The following ABI1 variants were observed in gnomAD, a reference collection of about 807,000 sequenced individuals.
The protein encoded by ABI1 is Abelson interactor 1.
Under a neutral mutation model 54.6 loss-of-function variants are expected in ABI1, and 14 were observed. That is an observed-to-expected ratio of 0.26 (90% confidence interval 0.17 to 0.40). ABI1 has a LOEUF of 0.40. Ranked by LOEUF, ABI1 falls within the 10% of genes least tolerant of loss-of-function variation. The probability of loss-of-function intolerance (pLI) is 1.00; values close to 1 mark genes in which losing one functional copy is unlikely to be tolerated. For missense variants in ABI1, 443 were observed against 598.3 expected, an observed-to-expected ratio of 0.74 and a Z score of 2.71; for synonymous variants, 194 against 209.3, an observed-to-expected ratio of 0.93 and a Z score of 0.63.
chr10:26,747,414 CCTT>C lies in ABI1; in HGVS notation c.*1153_*1155del, dbSNP rs1256397837. 4.5e-6 allele frequency: 1 copy of C among 221,520 alleles called. No individual in the cohort carries two copies. The highest frequency in any genetic ancestry group is 9.0e-6 in the Non-Finnish European group (1 of 110,674). 13.7% of individuals were successfully genotyped at this position (221,520 alleles called of 1,614,324 possible). A position where few individuals can be genotyped will look rare whatever the true frequency, so the allele number is the denominator to read the frequency against. On this transcript the variant is annotated 3_prime_UTR_variant, in exon 11 of 11. Coordinates refer to ENST00000376140, the MANE Select transcript of ABI1 (RefSeq NM_001012750.3). ...TGTTCACTGATTAATACATGACCCA[CCTT>C]CTTTCCCAATTATTTTATTTTAAAA... is the stretch of plus-strand genomic sequence containing the variant.
chr10:26,804,948 T>C (rs2133431968), intron 2 of ABI1, among the ~76,000 whole-genome samples: 1 of 152,234 alleles, frequency 6.6e-6, no homozygotes, highest in South Asian at 2.1e-4. Context: ...AAAATCAATG[T>C]AAAAGAAGGA....
intron 2 of ABI1, among the ~76,000 whole-genome samples, chr10:26,785,824 T>G (rs1188009433): frequency 6.6e-6 from 1 of 152,018 alleles, no homozygotes; most frequent in Non-Finnish European, 1.5e-5. Flanking sequence ...AAACTGGTGG[T>G]CCCTCTCCTG....
At chr10:26,857,860 AAAAAAG>A (rs2050961513) in intron 1 of ABI1, among the ~76,000 whole-genome samples, 2 of 151,280 alleles carry the variant, frequency 1.3e-5, no homozygotes, top group Admixed American at 6.6e-5. Flanking sequence ...AAAAAAAAAA[AAAAAAG>A]AAAGAAAAAA....
chr10:26,804,244 G>A (rs141358721), intron 2 of ABI1, among the ~76,000 whole-genome samples: 5 of 152,120 alleles, frequency 3.3e-5, no homozygotes, highest in East Asian at 1.9e-4. Flanking sequence ...TTAGCCAGTC[G>A]TCGTGGTGCA....
At chr10:26,753,713 G>A (rs1282266429) in intron 9 of ABI1, among the ~76,000 whole-genome samples, 2 of 152,120 alleles carry the variant, frequency 1.3e-5, no homozygotes, top group African/African-American at 2.4e-5. Context: ...TTCATAAAAC[G>A]TTTAAAGTAC....
intron 7 of ABI1, among the ~76,000 whole-genome samples, chr10:26,762,061 C>T (rs1369780783): frequency 6.6e-6 from 1 of 152,148 alleles, no homozygotes; most frequent in Non-Finnish European, 1.5e-5. Context: ...GGCTAGAGCG[C>T]AGTGGCACAA....
chr10:26,842,688 CATATAATATAAAAG>C (rs2049615898), intron 1 of ABI1, among the ~76,000 whole-genome samples: 1 of 152,058 alleles, frequency 6.6e-6, no homozygotes, highest in African/African-American at 2.4e-5. Context: ...AGGGTTTTAC[CATATAATATAAAAG>C]ATAAAGGCAA....
At chr10:26,841,934 T>C (rs2049544425) in intron 1 of ABI1, among the ~76,000 whole-genome samples, 1 of 141,854 alleles carries the variant, frequency 7.0e-6, no homozygotes, top group Non-Finnish European at 1.5e-5. Flanking sequence ...TCTCACTTCC[T>C]TTAGGTATAT....
At chr10:26,784,369 T>A (rs1842478552) in intron 2 of ABI1, among the ~76,000 whole-genome samples, 1 of 152,258 alleles carries the variant, frequency 6.6e-6, no homozygotes, top group Middle Eastern at 3.4e-3. Context: ...GTGGCACAGA[T>A]AATAAACAGG....
At chr10:26,760,057 A>G (rs769059313) in intron 7 of ABI1, among the ~76,000 whole-genome samples, 1 of 151,318 alleles carries the variant, frequency 6.6e-6, no homozygotes, top group Non-Finnish European at 1.5e-5. Context: ...CTTCTTTTTC[A>G]TAGTACATCC....
At chr10:26,775,499 G>A (rs1400407032) in intron 3 of ABI1, among the ~76,000 whole-genome samples, 1 of 151,110 alleles carries the variant, frequency 6.6e-6, no homozygotes, top group Admixed American at 6.6e-5. Flanking sequence ...AAAAAACCAA[G>A]CCCCCCAACC....
chr10:26,795,786 GAATA>G (rs1477087254), intron 2 of ABI1, among the ~76,000 whole-genome samples: 2 of 151,898 alleles, frequency 1.3e-5, no homozygotes, highest in African/African-American at 2.4e-5. Flanking sequence ...TCATAGATAG[GAATA>G]ATTAATATTG....
At chr10:26,835,053 C>T (rs1308055454) in intron 1 of ABI1, among the ~76,000 whole-genome samples, 1 of 133,512 alleles carries the variant, frequency 7.5e-6, no homozygotes, top group Non-Finnish European at 1.5e-5. Context: ...AGTGCCACTG[C>T]ACTCCAATGT....
chr10:26,781,707 A>G (rs1384102286), intron 2 of ABI1, among the ~76,000 whole-genome samples: 2 of 152,198 alleles, frequency 1.3e-5, no homozygotes, highest in Non-Finnish European at 2.9e-5. Context: ...AAACTACAGA[A>G]TGACATATTT....
At chr10:26,785,884 C>T (rs934836005) in intron 2 of ABI1, among the ~76,000 whole-genome samples, 4 of 152,122 alleles carry the variant, frequency 2.6e-5, no homozygotes, top group Admixed American at 2.0e-4. Flanking sequence ...TGCCATCACT[C>T]GGCCCCTTTC....
intron 2 of ABI1, among the ~76,000 whole-genome samples, chr10:26,804,580 A>G (rs1374402558): frequency 6.6e-6 from 1 of 152,200 alleles, no homozygotes; most frequent in Non-Finnish European, 1.5e-5. Flanking sequence ...AACACAAGAG[A>G]GATTGAATAT....
intron 2 of ABI1, among the ~76,000 whole-genome samples, chr10:26,810,233 C>A (rs2047141731): frequency 6.6e-6 from 1 of 152,094 alleles, no homozygotes; most frequent in African/African-American, 2.4e-5. Context: ...AAACCCCTAA[C>A]AGAACTTCTT....
At chr10:26,763,768 A>G in intron 7 of ABI1, 7 of 924,690 alleles carry the variant, frequency 7.6e-6, no homozygotes, top group Non-Finnish European at 1.2e-5. Context: ...TAAACTTTGT[A>G]TTATCACCTG....
chr10:26,848,818 A>G (rs1329873971), intron 1 of ABI1, among the ~76,000 whole-genome samples: 1 of 152,138 alleles, frequency 6.6e-6, no homozygotes, highest in African/African-American at 2.4e-5. Flanking sequence ...CATGTTGGCC[A>G]GGCTGGTCTC....
Sources: gnomAD v4.1 joint callset for allele counts (sites outside exome capture counted in the v4.1 genomes callset) on GRCh38, gnomAD v4.1.1 for gene constraint, MANE v1.5 for transcripts, NCBI Gene and HGNC (gene_info 2026-07-23, HGNC 2026-07-21) for gene names.